SCNN1B: variants seen among roughly 807,000 people sequenced by gnomAD.
SCNN1B encodes the protein sodium channel epithelial 1 subunit beta, also known as epithelial sodium channel subunit beta.
SCNN1B carries 46 observed loss-of-function variants against 65.3 expected under a neutral mutation model. The ratio of observed to expected loss-of-function variants is 0.70; its 90% CI spans 0.56 to 0.90. SCNN1B has a LOEUF of 0.90. SCNN1B is among the 40% of genes least tolerant of loss of function. The pLI is 0.00. For missense variants in SCNN1B, 751 were observed against 830.5 expected, an observed-to-expected ratio of 0.90 and a Z score of 1.18; for synonymous variants, 349 against 330.6, an observed-to-expected ratio of 1.06 and a Z score of -0.60.
chr16:23,359,808 G>T (rs975140215), intron 4 of SCNN1B, among the ~76,000 whole-genome samples: 1 of 152,220 alleles, frequency 6.6e-6, no homozygotes, highest in Non-Finnish European at 1.5e-5. Context: ...TGGGGACAGT[G>T]AAATAACCAC....
intron 1 of SCNN1B, among the ~76,000 whole-genome samples, chr16:23,316,861 C>A (rs1961482157): frequency 6.6e-6 from 1 of 152,120 alleles, no homozygotes. Flanking sequence ...TCACCATTAT[C>A]ATCACCATCA....
At chr16:23,278,576 G>C (rs887496936) in intron 1 of SCNN1B, among the ~76,000 whole-genome samples, 1 of 152,000 alleles carries the variant, frequency 6.6e-6, no homozygotes, top group East Asian at 1.9e-4. Flanking sequence ...AGACGGGAGG[G>C]GGGTAACTGC....
At chr16:23,319,386 G>C (rs886113) in intron 1 of SCNN1B, among the ~76,000 whole-genome samples, 6 of 151,984 alleles carry the variant, frequency 3.9e-5, no homozygotes, top group Non-Finnish European at 8.8e-5. Context: ...CCTCCAGCCT[G>C]GCAGTCTGCA....
intron 1 of SCNN1B, among the ~76,000 whole-genome samples, chr16:23,326,895 T>G (rs1214439997): frequency 6.6e-6 from 1 of 152,056 alleles, no homozygotes; most frequent in Non-Finnish European, 1.5e-5. Context: ...AATTCCTCAT[T>G]CCTAACCCCT....
intron 5 of SCNN1B, among the ~76,000 whole-genome samples, chr16:23,370,679 C>T (rs1962763699): frequency 6.6e-6 from 1 of 152,168 alleles, no homozygotes; most frequent in South Asian, 2.1e-4. Flanking sequence ...CTCGTCTGAG[C>T]CATCAGAGAA....
At chr16:23,363,395 A>G (rs1450564685) in intron 4 of SCNN1B, among the ~76,000 whole-genome samples, 2 of 152,242 alleles carry the variant, frequency 1.3e-5, no homozygotes, top group South Asian at 2.1e-4. Flanking sequence ...GAAATCAAGC[A>G]GGCTGGCTCT....
At chr16:23,319,855 C>T (rs1259871315) in intron 1 of SCNN1B, among the ~76,000 whole-genome samples, 1 of 152,136 alleles carries the variant, frequency 6.6e-6, no homozygotes, top group Non-Finnish European at 1.5e-5. Context: ...GCAACCTCCG[C>T]TTCCTGGGTT....
intron 7 of SCNN1B, among the ~76,000 whole-genome samples, chr16:23,373,298 T>C (rs1962823562): frequency 6.6e-6 from 1 of 152,106 alleles, no homozygotes; most frequent in South Asian, 2.1e-4. Context: ...TCTTAATTTT[T>C]AAAATTTTTT....
At chr16:23,290,867 G>A (rs1467722510) in intron 2 of SCNN1B, among the ~76,000 whole-genome samples, 1 of 152,150 alleles carries the variant, frequency 6.6e-6, no homozygotes, top group Non-Finnish European at 1.5e-5. Context: ...AGTTTTGAAA[G>A]TGAATCTGAC....
intron 1 of SCNN1B, among the ~76,000 whole-genome samples, chr16:23,333,505 C>T (rs1236625795): frequency 6.6e-6 from 1 of 152,176 alleles, no homozygotes; most frequent in Non-Finnish European, 1.5e-5. Context: ...CTACACCTTC[C>T]ATAAAATGTT....
chr16:23,286,556 C>A (rs1163497698), intron 2 of SCNN1B, among the ~76,000 whole-genome samples: 2 of 152,244 alleles, frequency 1.3e-5, no homozygotes, highest in African/African-American at 2.4e-5. Context: ...AGGAAGAATT[C>A]TTGCCGATAA....
intron 8 of SCNN1B, among the ~76,000 whole-genome samples, chr16:23,376,816 C>T (rs977151983): frequency 2.6e-5 from 4 of 151,684 alleles, no homozygotes; most frequent in Non-Finnish European, 4.4e-5. Flanking sequence ...TGCTGTCAGC[C>T]GGAGACTCAC....
chr16:23,288,833 G>A lies in SCNN1B; in HGVS notation n.178+5029G>A, dbSNP rs990631341. 3.3e-5 allele frequency among the ~76,000 whole-genome samples: 5 copies of A among 152,200 alleles called. 1 individual carries two copies. The highest frequency in any genetic ancestry group is 2.9e-5 in the Non-Finnish European group (2 of 67,998). On this transcript the variant is annotated intron_variant and non_coding_transcript_variant, in intron 2 of 3. Coordinates refer to the SCNN1B transcript ENST00000569789. Reference sequence around the variant, plus strand: ...GGACTTGGGTCTCATTTAAAGGCTCGACTGGGGAAAGGTGGTTGTTAGCAG... The same window carrying A: ...GGACTTGGGTCTCATTTAAAGGCTCAACTGGGGAAAGGTGGTTGTTAGCAG...
At chr16:23,302,099 G>A (rs1961095703), upstream of SCNN1B, among the ~76,000 whole-genome samples, 1 of 152,178 alleles carries the variant, frequency 6.6e-6, no homozygotes, top group South Asian at 2.1e-4. Flanking sequence ...GTGTCCCGAG[G>A]TGGGGAGGGA....
At chr16:23,299,782 G>A (rs574289343), upstream of SCNN1B, among the ~76,000 whole-genome samples, 6 of 152,176 alleles carry the variant, frequency 3.9e-5, no homozygotes, top group African/African-American at 7.2e-5. Flanking sequence ...AGACAGTATC[G>A]CGATTCCTCA....
At chr16:23,349,443 C>T (rs973861899) in intron 2 of SCNN1B, among the ~76,000 whole-genome samples, 3 of 151,966 alleles carry the variant, frequency 2.0e-5, no homozygotes, top group South Asian at 2.1e-4. Flanking sequence ...GCTGAGATGG[C>T]GCCACTTGAG....
intron 2 of SCNN1B, among the ~76,000 whole-genome samples, chr16:23,351,586 G>T (rs1232529472): frequency 2.0e-5 from 3 of 152,182 alleles, no homozygotes; most frequent in Non-Finnish European, 4.4e-5. Context: ...CAGGACCTTG[G>T]CCTCTGTCCA....
At chr16:23,360,723 G>A (rs987830652) in intron 4 of SCNN1B, among the ~76,000 whole-genome samples, 1 of 151,374 alleles carries the variant, frequency 6.6e-6, no homozygotes, top group African/African-American at 2.4e-5. Flanking sequence ...AGCCCCCCGA[G>A]TAGCTGGGAT....
intron 1 of SCNN1B, among the ~76,000 whole-genome samples, chr16:23,331,498 T>C (rs529765017): frequency 2.0e-5 from 3 of 152,112 alleles, no homozygotes; most frequent in Admixed American, 2.0e-4. Flanking sequence ...CTAATTTTTG[T>C]ATTTTTTTTA....
Sources: allele counts gnomAD v4.1 joint callset (sites outside exome capture counted in the v4.1 genomes callset), GRCh38; gene constraint gnomAD v4.1.1; transcripts MANE v1.5; gene names NCBI Gene and HGNC (gene_info 2026-07-23, HGNC 2026-07-21).